Variants in ENTHD1 observed in about 807,000 individuals in gnomAD.
ENTHD1 encodes the protein ENTH domain-containing protein 1.
Under a neutral mutation model 39.1 loss-of-function variants are expected in ENTHD1, and 23 were observed. That is an observed-to-expected ratio of 0.59 (90% confidence interval 0.42 to 0.83). The LOEUF is 0.83. Ranked by LOEUF, ENTHD1 falls within the 40% of genes least tolerant of loss-of-function variation. ENTHD1 has a pLI of 0.00. For missense variants in ENTHD1, 624 were observed against 705.4 expected (o/e 0.88, Z 1.31); for synonymous variants, 230 against 258.2 (o/e 0.89, Z 1.05).
In ENTHD1 at chr22:39,798,625, G is replaced by A. The variant is rs577258281; in HGVS notation, c.832+22368C>T. On this transcript the variant is annotated intron_variant, in intron 5 of 6. Coordinates refer to ENST00000325157, the MANE Select transcript of ENTHD1 (RefSeq NM_152512.4). ...GTCAGCCAGTCCTTGGGCCCCAGTGGTGGCAACAACAAGCTGAGGGTGCCT... is the reference window on the plus strand; with the variant it reads ...GTCAGCCAGTCCTTGGGCCCCAGTGATGGCAACAACAAGCTGAGGGTGCCT... 1.6e-3 allele frequency among the ~76,000 whole-genome samples: 251 copies of A among 152,270 alleles called. 1 individual carries two copies. Among genetic ancestry groups the A allele is most frequent in the Non-Finnish European group, 2.3e-3 (158 of 68,022 alleles).
intron 6 of ENTHD1, among the ~76,000 whole-genome samples, chr22:39,754,499 T>G (rs1322812618): frequency 6.6e-6 from 1 of 152,194 alleles, no homozygotes; most frequent in Non-Finnish European, 1.5e-5. Context: ...GCAGGTGACC[T>G]CTGATGAGAA....
At chr22:39,848,115 C>T (rs958297594) in intron 3 of ENTHD1, among the ~76,000 whole-genome samples, 7 of 152,200 alleles carry the variant, frequency 4.6e-5, no homozygotes, top group African/African-American at 1.7e-4. Context: ...CTCTCACCTT[C>T]GAGGCCACTT....
chr22:39,861,620 G>T lies in ENTHD1; in HGVS notation c.592+145C>A, dbSNP rs143502464. 4,669 of 577,852 alleles carry T rather than the reference G, an allele frequency of 8.1e-3. 26 individuals carry two copies. The highest frequency in any genetic ancestry group is 0.011 in the Non-Finnish European group (4,181 of 396,048). 35.8% of individuals were successfully genotyped at this position (577,852 alleles called of 1,614,324 possible). Reference sequence around the variant, plus strand: ...AATCTTCTATTGAATATTCTTCGTTGTTGTTTTCTATAGTATGAAGCCTAA... The same window carrying T: ...AATCTTCTATTGAATATTCTTCGTTTTTGTTTTCTATAGTATGAAGCCTAA... On this transcript the variant is annotated intron_variant, in intron 3 of 6. Transcript: ENST00000325157.
chr22:39,752,346 T>A (rs1395561159), intron 6 of ENTHD1, among the ~76,000 whole-genome samples: 1 of 152,166 alleles, frequency 6.6e-6, no homozygotes, highest in Non-Finnish European at 1.5e-5. Context: ...ATATGAAATG[T>A]TTAGAATAGG....
chr22:39,872,466 T>G (rs2066251792), intron 2 of ENTHD1, among the ~76,000 whole-genome samples: 1 of 152,170 alleles, frequency 6.6e-6, no homozygotes, highest in Admixed American at 6.5e-5. Flanking sequence ...TTTTCTCTCT[T>G]TCTATGAGAA....
chr22:39,809,025 C>T (rs1279414375), intron 5 of ENTHD1, among the ~76,000 whole-genome samples: 2 of 152,216 alleles, frequency 1.3e-5, no homozygotes, highest in African/African-American at 2.4e-5. Context: ...CGAATTTCTA[C>T]AGTCAGTTCT....
chr22:39,814,796 A>T (rs1306093502), intron 5 of ENTHD1, among the ~76,000 whole-genome samples: 1 of 152,238 alleles, frequency 6.6e-6, no homozygotes, highest in African/African-American at 2.4e-5. Flanking sequence ...GCAAACTATA[A>T]GAAAATGTTA....
chr22:39,848,706 G>C (rs2066011019), intron 3 of ENTHD1, among the ~76,000 whole-genome samples: 1 of 152,132 alleles, frequency 6.6e-6, no homozygotes, highest in South Asian at 2.1e-4. Context: ...ATAGGCAAGG[G>C]TCATGGGGCT....
chr22:39,777,155 G>C (rs1479928318), intron 5 of ENTHD1, among the ~76,000 whole-genome samples: 1 of 152,074 alleles, frequency 6.6e-6, no homozygotes, highest in Non-Finnish European at 1.5e-5. Context: ...AGAATCTGAA[G>C]GTAATAATAA....
At chr22:39,749,727 A>G (rs2065134042) in intron 6 of ENTHD1, among the ~76,000 whole-genome samples, 1 of 152,166 alleles carries the variant, frequency 6.6e-6, no homozygotes, top group Non-Finnish European at 1.5e-5. Context: ...ATTTTGTCCC[A>G]TGGTTTAAAA....
At chr22:39,805,525 A>G (rs954348388) in intron 5 of ENTHD1, among the ~76,000 whole-genome samples, 2 of 152,220 alleles carry the variant, frequency 1.3e-5, no homozygotes, top group Non-Finnish European at 2.9e-5. Flanking sequence ...GTATCAATTA[A>G]TGTGGGCAGA....
intron 2 of ENTHD1, among the ~76,000 whole-genome samples, chr22:39,862,485 T>C (rs975212512): frequency 2.7e-5 from 4 of 149,550 alleles, no homozygotes; most frequent in African/African-American, 7.4e-5. Flanking sequence ...GAGGTAGAGG[T>C]TGCAGTGAGC....
chr22:39,855,924 A>G (rs1213213102), intron 3 of ENTHD1, among the ~76,000 whole-genome samples: 1 of 152,172 alleles, frequency 6.6e-6, no homozygotes, highest in Admixed American at 6.5e-5. Context: ...ACCTCCTTCT[A>G]ACTAATCTAC....
chr22:39,811,405 A>G (rs1449802572), intron 5 of ENTHD1, among the ~76,000 whole-genome samples: 1 of 152,212 alleles, frequency 6.6e-6, no homozygotes, highest in Non-Finnish European at 1.5e-5. Context: ...CCTGAGGCAG[A>G]CAGGTGATCA....
intron 3 of ENTHD1, among the ~76,000 whole-genome samples, chr22:39,841,351 T>C (rs1269393771): frequency 6.6e-6 from 1 of 152,180 alleles, no homozygotes; most frequent in Non-Finnish European, 1.5e-5. Context: ...GGAGCGCTCT[T>C]AGAAACTACC....
chr22:39,884,240 G>A (rs1304163152), intron 2 of ENTHD1, among the ~76,000 whole-genome samples: 2 of 151,944 alleles, frequency 1.3e-5, no homozygotes, highest in Non-Finnish European at 2.9e-5. Context: ...GTGCAGTGGT[G>A]TGATCTTGGC....
chr22:39,858,645 C>T (rs781158331), intron 3 of ENTHD1, among the ~76,000 whole-genome samples: 3 of 152,204 alleles, frequency 2.0e-5, no homozygotes, highest in Non-Finnish European at 4.4e-5. Context: ...ACTCCTTGAT[C>T]CATGGGCTGA....
At chr22:39,877,371 C>T (rs747250225) in intron 2 of ENTHD1, among the ~76,000 whole-genome samples, 27 of 152,190 alleles carry the variant, frequency 1.8e-4, no homozygotes, top group Non-Finnish European at 3.7e-4. Flanking sequence ...GGAGTCGCCA[C>T]TCCATCCTAA....
rs1030491487 is a variant in ENTHD1 at position 39,743,129 on chromosome 22, T to G, written c.*550A>C. 6.6e-6 allele frequency: 1 copy of G among 152,234 alleles called. No individual in the cohort carries two copies. The allele number at this position is 152,234 out of a possible 1,614,324, so 9.4% of individuals were successfully genotyped here. On this transcript the variant is annotated 3_prime_UTR_variant, in exon 7 of 7. Coordinates refer to ENST00000325157, the MANE Select transcript of ENTHD1 (RefSeq NM_152512.4). ...CAATATACATTGACAGTAAAAACAT[T>G]TGCCCCATGTCCTTCTTGTTTCCAT...
Sources: gnomAD v4.1 joint callset for allele counts (sites outside exome capture counted in the v4.1 genomes callset) on GRCh38, gnomAD v4.1.1 for gene constraint, MANE v1.5 for transcripts, NCBI Gene and HGNC (gene_info 2026-07-23, HGNC 2026-07-21) for gene names.